Variants in CPA6 observed in about 807,000 individuals in gnomAD.
CPA6 encodes carboxypeptidase B.
In CPA6, 58 loss-of-function variants were observed where a neutral mutation model predicts 63.3. The ratio of observed to expected loss-of-function variants is 0.92; its 90% confidence interval spans 0.74 to 1.14. CPA6 has a LOEUF of 1.14. CPA6 is among the 50% of genes most tolerant of loss of function. The pLI, the probability that CPA6 is intolerant of heterozygous loss-of-function variation, is 0.00. For synonymous variants in CPA6, 185 were observed against 179.0 expected (o/e 1.03, Z -0.27); for missense variants, 565 against 526.6 (o/e 1.07, Z -0.71).
In CPA6 at chr8:67,746,190, C is replaced by A; in HGVS notation, c.-61G>T. 1 of 1,265,784 alleles carries A rather than the reference C, an allele frequency of 7.9e-7. No homozygotes were observed. Among genetic ancestry groups the A allele is most frequent in the South Asian group, 1.3e-5 (1 of 74,618 alleles). The allele number at this position is 1,265,784 out of a possible 1,614,324, so 78.4% of individuals were successfully genotyped here. On this transcript the variant is annotated 5_prime_UTR_variant, in exon 1 of 11. Transcript: ENST00000297770. Reference sequence around the variant, plus strand: ...CAGCCACCCGAGGCTGGAGGTGGCTCACAGCACCCTCTACACACCGCACAG... The same window carrying A: ...CAGCCACCCGAGGCTGGAGGTGGCTAACAGCACCCTCTACACACCGCACAG...
chr8:67,582,294 C>T (rs1037674460), intron 2 of CPA6, among the ~76,000 whole-genome samples: 13 of 152,054 alleles, frequency 8.5e-5, no homozygotes, highest in Non-Finnish European at 1.9e-4. Flanking sequence ...ATTGTTGCAC[C>T]TCAGAATGAT....
At chr8:67,610,734 C>G (rs1814784234) in intron 2 of CPA6, among the ~76,000 whole-genome samples, 1 of 152,152 alleles carries the variant, frequency 6.6e-6, no homozygotes, top group Non-Finnish European at 1.5e-5. Flanking sequence ...TCCTTTCTCA[C>G]TATCAGCTGG....
intron 6 of CPA6, among the ~76,000 whole-genome samples, chr8:67,496,571 T>A (rs111562496): frequency 0.083 from 11,416 of 136,800 alleles, 1,181 homozygotes; most frequent in African/African-American, 0.26. Flanking sequence ...ATTTTATTTT[T>A]TTTTTTTGAG....
intron 1 of CPA6, among the ~76,000 whole-genome samples, chr8:67,638,829 T>C (rs1157897772): frequency 6.6e-6 from 1 of 151,552 alleles, no homozygotes; most frequent in African/African-American, 2.4e-5. Context: ...AGATGTTGTT[T>C]GTGAGAGTAC....
At chr8:67,483,974 A>AATAG (rs1811416920) in intron 7 of CPA6, 116 bp from the exon 8 acceptor site, 2 of 839,346 alleles carry the variant, frequency 2.4e-6, no homozygotes, top group African/African-American at 3.4e-5. Context: ...TTCTCCTGTG[A>AATAG]ATAGACAAGC....
chr8:67,654,432 G>A (rs1013511006), intron 1 of CPA6, among the ~76,000 whole-genome samples: 19 of 152,136 alleles, frequency 1.2e-4, no homozygotes, highest in African/African-American at 4.3e-4. Context: ...CCTGTTATTG[G>A]TCTATTCAGA....
chr8:67,462,723 C>G (rs1265649292), intron 8 of CPA6, among the ~76,000 whole-genome samples: 1 of 152,120 alleles, frequency 6.6e-6, no homozygotes, highest in East Asian at 1.9e-4. Context: ...ATCAATACGT[C>G]CAAGTTAGCT....
intron 2 of CPA6, among the ~76,000 whole-genome samples, chr8:67,540,606 C>T (rs1031018234): frequency 5.9e-5 from 9 of 152,212 alleles, no homozygotes; most frequent in East Asian, 1.9e-4. Flanking sequence ...CTGTGCCAGC[C>T]GCCCCTTCCT....
chr8:67,503,250 G>A (rs570979180), intron 6 of CPA6, among the ~76,000 whole-genome samples: 1 of 151,844 alleles, frequency 6.6e-6, no homozygotes, highest in South Asian at 2.1e-4. Context: ...TGTTGGCCAG[G>A]CTGGTCTTGA....
chr8:67,484,824 G>T, intron 6 of CPA6, 35 bp from the exon 7 acceptor site: 1 of 1,237,790 alleles, frequency 8.1e-7, no homozygotes. Context: ...CTTTTAAATT[G>T]GTCCCCAAAA....
At chr8:67,629,580 T>C (rs565294255) in intron 1 of CPA6, among the ~76,000 whole-genome samples, 1 of 151,862 alleles carries the variant, frequency 6.6e-6, no homozygotes, top group Non-Finnish European at 1.5e-5. Context: ...TAAAGACAAG[T>C]AAGATTATGT....
intron 1 of CPA6, among the ~76,000 whole-genome samples, chr8:67,688,992 A>AT (rs1276134343): frequency 6.6e-6 from 1 of 151,132 alleles, no homozygotes; most frequent in Non-Finnish European, 1.5e-5. Context: ...TATTATTATT[A>AT]TTTTTTAGAT....
chr8:67,693,149 T>C (rs1413710423), intron 1 of CPA6, among the ~76,000 whole-genome samples: 1 of 152,238 alleles, frequency 6.6e-6, no homozygotes, highest in Non-Finnish European at 1.5e-5. Flanking sequence ...TGAAATTCCT[T>C]CTGTTTTCCA....
At chr8:67,574,569 T>C (rs1813574582) in intron 2 of CPA6, among the ~76,000 whole-genome samples, 1 of 151,972 alleles carries the variant, frequency 6.6e-6, no homozygotes, top group Non-Finnish European at 1.5e-5. Context: ...AGAACAGAAA[T>C]CATAGAAATG....
intron 1 of CPA6, among the ~76,000 whole-genome samples, chr8:67,724,001 C>T (rs975159603): frequency 1.3e-5 from 2 of 152,122 alleles, no homozygotes; most frequent in Non-Finnish European, 2.9e-5. Flanking sequence ...GCATGTGTTA[C>T]AGATATGATA....
intron 2 of CPA6, among the ~76,000 whole-genome samples, chr8:67,612,048 C>T (rs546576050): frequency 6.6e-6 from 1 of 152,240 alleles, no homozygotes; most frequent in Admixed American, 6.5e-5. Context: ...ATTTTCTGTT[C>T]AAATTATTGG....
chr8:67,728,130 A>ACAAC (rs1817634765), intron 1 of CPA6, among the ~76,000 whole-genome samples: 1 of 67,854 alleles, frequency 1.5e-5, no homozygotes, highest in Non-Finnish European at 3.1e-5. Context: ...CAACAACAAA[A>ACAAC]AACAAACAAA....
At chr8:67,721,431 A>C (rs1817496347) in intron 1 of CPA6, among the ~76,000 whole-genome samples, 1 of 152,246 alleles carries the variant, frequency 6.6e-6, no homozygotes, top group Non-Finnish European at 1.5e-5. Context: ...TCCACTACTC[A>C]GAGAAGAAGC....
At chr8:67,467,703 T>C (rs922641621) in intron 8 of CPA6, among the ~76,000 whole-genome samples, 1 of 152,072 alleles carries the variant, frequency 6.6e-6, no homozygotes, top group Non-Finnish European at 1.5e-5. Flanking sequence ...TTCTTCCAGC[T>C]TTAAAACCTG....
Sources: gnomAD v4.1 joint callset for allele counts (sites outside exome capture counted in the v4.1 genomes callset) on GRCh38, gnomAD v4.1.1 for gene constraint, MANE v1.5 for transcripts, NCBI Gene and HGNC (gene_info 2026-07-23, HGNC 2026-07-21) for gene names.